The following ASIC2 variants were observed in gnomAD, a reference collection of about 807,000 sequenced individuals.
ASIC2 encodes the protein acid-sensing ion channel 2.
ASIC2 carries 25 observed loss-of-function variants against 57.3 expected under a neutral mutation model. The observed-to-expected ratio is 0.44, with a 90% CI of 0.32 to 0.61. ASIC2 has a LOEUF of 0.61. Ranked by LOEUF, ASIC2 falls within the 20% of genes least tolerant of loss-of-function variation. The probability of loss-of-function intolerance (pLI) is 0.06; values close to 1 mark genes in which losing one functional copy is unlikely to be tolerated. For synonymous variants in ASIC2, 319 were observed against 307.5 expected, an observed-to-expected ratio of 1.04 and a Z score of -0.39; for missense variants, 641 against 738.1, an observed-to-expected ratio of 0.87 and a Z score of 1.52.
intron 1 of ASIC2, among the ~76,000 whole-genome samples, chr17:33,539,180 C>G (rs901651389): frequency 6.6e-6 from 1 of 152,238 alleles, no homozygotes; most frequent in African/African-American, 2.4e-5. Flanking sequence ...AGGTTAATTT[C>G]TCACTAGCAG....
chr17:33,948,578 AC>A (rs1171052847), intron 1 of ASIC2, among the ~76,000 whole-genome samples: 7 of 152,224 alleles, frequency 4.6e-5, no homozygotes, highest in Non-Finnish European at 1.0e-4. Context: ...ATGGCCTCAA[AC>A]ACTAAGTCTG....
chr17:33,152,707 G>C (rs1409081705), intron 1 of ASIC2, among the ~76,000 whole-genome samples: 1 of 152,176 alleles, frequency 6.6e-6, no homozygotes, highest in African/African-American at 2.4e-5. Context: ...TTCTGCTACT[G>C]GGGAGAGCCT....
intron 1 of ASIC2, among the ~76,000 whole-genome samples, chr17:33,517,446 T>C (rs1914607505): frequency 6.6e-6 from 1 of 152,202 alleles, no homozygotes; most frequent in South Asian, 2.1e-4. Flanking sequence ...CCCTACACCT[T>C]AGCAATTTAT....
chr17:33,230,712 G>A (rs915503181), intron 1 of ASIC2, among the ~76,000 whole-genome samples: 2 of 152,016 alleles, frequency 1.3e-5, no homozygotes, highest in East Asian at 1.9e-4. Flanking sequence ...GGGTAAGAAG[G>A]GGGGTAAGAG....
At chr17:33,791,650 G>A (rs1398750485) in intron 1 of ASIC2, among the ~76,000 whole-genome samples, 1 of 152,100 alleles carries the variant, frequency 6.6e-6, no homozygotes, top group East Asian at 1.9e-4. Context: ...GGCTCCAGAT[G>A]TGTTGTTGAT....
chr17:33,881,695 T>C (rs1303622033), intron 1 of ASIC2, among the ~76,000 whole-genome samples: 1 of 152,122 alleles, frequency 6.6e-6, no homozygotes, highest in Admixed American at 6.6e-5. Flanking sequence ...CCCAAGGTAA[T>C]TTATAGATTC....
intron 1 of ASIC2, chr17:33,534,310 C>T (rs995681287): frequency 6.6e-6 from 1 of 152,168 alleles, no homozygotes; most frequent in African/African-American, 2.4e-5. Flanking sequence ...CCCAGACAAC[C>T]TTGAGCATGC....
intron 1 of ASIC2, among the ~76,000 whole-genome samples, chr17:33,881,068 T>C (rs1460892922): frequency 6.6e-6 from 1 of 152,180 alleles, no homozygotes. Flanking sequence ...CAGCCCTTCA[T>C]GCTAAAAACT....
At chr17:33,204,541 C>A (rs748702282) in intron 1 of ASIC2, among the ~76,000 whole-genome samples, 4 of 152,188 alleles carry the variant, frequency 2.6e-5, no homozygotes, top group Admixed American at 2.6e-4. Flanking sequence ...GTCCCACCTC[C>A]ACCCATCTCA....
intron 1 of ASIC2, among the ~76,000 whole-genome samples, chr17:33,734,364 G>A (rs758097918): frequency 1.4e-4 from 22 of 151,998 alleles, no homozygotes; most frequent in Non-Finnish European, 2.1e-4. Flanking sequence ...CCTTCCTCCC[G>A]TGCTCTGTCT....
chr17:33,487,647 C>T (rs1386416872), intron 1 of ASIC2, among the ~76,000 whole-genome samples: 1 of 152,176 alleles, frequency 6.6e-6, no homozygotes, highest in Admixed American at 6.5e-5. Flanking sequence ...AGGAGATTAA[C>T]ATTTGAGTCA....
chr17:33,536,096 A>G (rs2141964841), intron 1 of ASIC2, among the ~76,000 whole-genome samples: 1 of 152,306 alleles, frequency 6.6e-6, no homozygotes, highest in African/African-American at 2.4e-5. Context: ...CCCAAGAGCA[A>G]AAGTGTGTTG....
chr17:33,502,318 C>T (rs1208066681), intron 1 of ASIC2, among the ~76,000 whole-genome samples: 1 of 152,194 alleles, frequency 6.6e-6, no homozygotes, highest in African/African-American at 2.4e-5. Context: ...GATGTTCCTG[C>T]TGTGTCTGAG....
chr17:33,658,925 C>T (rs1427727240), intron 1 of ASIC2, among the ~76,000 whole-genome samples: 1 of 152,154 alleles, frequency 6.6e-6, no homozygotes, highest in Non-Finnish European at 1.5e-5. Flanking sequence ...ATTGCTTGAA[C>T]CTGGGAGGCG....
At chr17:33,967,163 A>T (rs193241339) in intron 1 of ASIC2, among the ~76,000 whole-genome samples, 1 of 151,734 alleles carries the variant, frequency 6.6e-6, no homozygotes, top group African/African-American at 2.4e-5. Context: ...ACTCATATTC[A>T]GGCAGTACCC....
chr17:33,875,551 A>G (rs1037003906), intron 1 of ASIC2, among the ~76,000 whole-genome samples: 11 of 152,166 alleles, frequency 7.2e-5, no homozygotes, highest in Non-Finnish European at 1.5e-4. Context: ...CCTTTACTTA[A>G]CAGCCACTCA....
At chr17:34,045,505 G>A in intron 1 of ASIC2, among the ~76,000 whole-genome samples, 1 of 152,186 alleles carries the variant, frequency 6.6e-6, no homozygotes. Flanking sequence ...GAAGATTAAT[G>A]GAAAAACTTC....
chr17:33,746,831 C>T (rs1910282447), intron 1 of ASIC2, among the ~76,000 whole-genome samples: 3 of 151,766 alleles, frequency 2.0e-5, no homozygotes, highest in Admixed American at 2.0e-4. Flanking sequence ...GGCCTTGAGA[C>T]AACACAAAAT....
intron 1 of ASIC2, among the ~76,000 whole-genome samples, chr17:33,834,757 G>T (rs1380098496): frequency 6.6e-6 from 1 of 152,008 alleles, no homozygotes; most frequent in Non-Finnish European, 1.5e-5. Context: ...ATTTATCTTT[G>T]CCCCAAGAGA....
Sources: gnomAD v4.1 joint callset for allele counts (sites outside exome capture counted in the v4.1 genomes callset) on GRCh38, gnomAD v4.1.1 for gene constraint, MANE v1.5 for transcripts, NCBI Gene and HGNC (gene_info 2026-07-23, HGNC 2026-07-21) for gene names.